The following PTPRN2 variants were observed in gnomAD, a reference collection of about 807,000 sequenced individuals.
The protein encoded by PTPRN2 is receptor-type tyrosine-protein phosphatase N2.
Under a neutral mutation model 118.8 loss-of-function variants are expected in PTPRN2, and 74 were observed. That is an observed-to-expected ratio of 0.62 (90% confidence interval 0.52 to 0.76). PTPRN2 has a LOEUF of 0.76. Among genes scored for constraint, PTPRN2 ranks in the 30% least tolerant of loss-of-function variants. The pLI is 0.00. For synonymous variants in PTPRN2, 641 were observed against 608.0 expected (o/e 1.05, Z -0.80); for missense variants, 1,481 against 1,394.4 (o/e 1.06, Z -0.99).
chr7:157,733,950 T>C lies in PTPRN2; in HGVS notation c.1789-51013A>G, dbSNP rs71541696. On this transcript the variant is annotated intron_variant, in intron 12 of 22. Coordinates refer to ENST00000389418, the MANE Select transcript of PTPRN2 (RefSeq NM_002847.5). The stretch of plus-strand genomic sequence containing the variant: ...AGCACAGTTACCCTTTCCCGTCCCA[T>C]GCGCCCAGCACAGTTACCCTTTCCC... Among the ~76,000 whole-genome samples the C allele has an allele frequency of 9.9e-5, 5 of 50,582 alleles. No individual in the cohort carries two copies. The South Asian group carries it at 2.3e-3, about 23-fold the overall frequency. 33.2% of individuals were successfully genotyped at this position (50,582 alleles called of 152,430 possible). A position where few individuals can be genotyped will look rare whatever the true frequency, so the allele number is the denominator to read the frequency against.
intron 11 of PTPRN2, among the ~76,000 whole-genome samples, chr7:158,059,906 A>C (rs13231193): frequency 2.6e-4 from 18 of 69,010 alleles, no homozygotes; most frequent in African/African-American, 8.1e-4. Context: ...CTCCATCTGC[A>C]CACGGTGAGA....
chr7:158,076,813 G>A (rs914642705), intron 11 of PTPRN2, among the ~76,000 whole-genome samples: 5 of 152,100 alleles, frequency 3.3e-5, no homozygotes, highest in African/African-American at 4.8e-5. Flanking sequence ...AAGAACTCCC[G>A]TCTGAACAGC....
Position 158,236,191 on chromosome 7 carries a change from C to T in PTPRN2, c.278-30918G>A, listed in dbSNP as rs182054173. 1.6e-3 allele frequency among the ~76,000 whole-genome samples: 251 copies of T among 152,270 alleles called. 2 individuals carry two copies. The highest frequency in any genetic ancestry group is 5.0e-3 in the African/African-American group (207 of 41,562). On this transcript the variant is annotated intron_variant, in intron 3 of 22. Coordinates refer to ENST00000389418, the MANE Select transcript of PTPRN2 (RefSeq NM_002847.5). ...TGGTCATCGCAAACAGAGCCCCTTA[C>T]GGTACGTTAGGGGATGGTGTGGAAA...
rs34195288 is a variant in PTPRN2 at position 158,271,858 on chromosome 7, C to T, written c.277+44961G>A. On this transcript the variant is annotated intron_variant, in intron 3 of 22. Coordinates refer to ENST00000389418, the MANE Select transcript of PTPRN2 (RefSeq NM_002847.5). ...GTGAGGCTCTTCCTCAGGGCCTCAGCGCCTTGCAAAGGCCCCTAACACCAT... is the reference window on the plus strand; with the variant it reads ...GTGAGGCTCTTCCTCAGGGCCTCAGTGCCTTGCAAAGGCCCCTAACACCAT... Among the ~76,000 whole-genome samples the T allele has an allele frequency of 7.9e-3, 1,201 of 152,150 alleles. 11 individuals carry two copies. Among genetic ancestry groups the T allele is most frequent in the Middle Eastern group, 0.017 (5 of 294 alleles).
intron 14 of PTPRN2, among the ~76,000 whole-genome samples, chr7:157,653,127 C>T (rs559899695): frequency 5.5e-4 from 84 of 152,330 alleles, no homozygotes; most frequent in African/African-American, 1.7e-3. Context: ...ACGGTGCAGC[C>T]GGCCTCTCCC....
chr7:157,836,231 T>A (rs1011401520), intron 12 of PTPRN2, among the ~76,000 whole-genome samples: 13 of 152,258 alleles, frequency 8.5e-5, no homozygotes, highest in Admixed American at 2.6e-4. Context: ...AATGAAGTCC[T>A]AACCCTTGGT....
intron 3 of PTPRN2, among the ~76,000 whole-genome samples, chr7:158,271,672 A>G (rs1231724390): frequency 6.6e-6 from 1 of 152,222 alleles, no homozygotes; most frequent in African/African-American, 2.4e-5. Flanking sequence ...AGCTTGGGTA[A>G]TTGATAAACA....
chr7:157,542,040 T>A, intron 22 of PTPRN2, among the ~76,000 whole-genome samples: 1 of 152,084 alleles, frequency 6.6e-6, no homozygotes, highest in East Asian at 1.9e-4. Context: ...CCCGGGGAGA[T>A]GTGTCTGCCT....
intron 12 of PTPRN2, among the ~76,000 whole-genome samples, chr7:157,726,001 G>A (rs1799570645): frequency 6.7e-6 from 1 of 148,784 alleles, no homozygotes; most frequent in East Asian, 2.0e-4. Context: ...CGCCTCCCAG[G>A]AGAACTGGAT....
chr7:157,769,155 C>T lies in PTPRN2; in HGVS notation c.1789-86218G>A, dbSNP rs528189182. 5.3e-5 allele frequency among the ~76,000 whole-genome samples: 8 copies of T among 152,346 alleles called. No homozygotes were observed. In the East Asian group the frequency reaches 1.5e-3, roughly 29 times the overall value. On this transcript the variant is annotated intron_variant, in intron 12 of 22. Coordinates refer to ENST00000389418, the MANE Select transcript of PTPRN2 (RefSeq NM_002847.5). ...TCCACCGCGGCCAGCCCAGTGTCCACCGAGGGCAGCGGTTGAATGTCCTCA... is the reference window on the plus strand; with the variant it reads ...TCCACCGCGGCCAGCCCAGTGTCCATCGAGGGCAGCGGTTGAATGTCCTCA...
At chr7:158,069,466 G>A (rs1443062863) in intron 11 of PTPRN2, among the ~76,000 whole-genome samples, 1 of 152,142 alleles carries the variant, frequency 6.6e-6, no homozygotes, top group Non-Finnish European at 1.5e-5. Flanking sequence ...CCAAAGTGCT[G>A]GGATGACAGG....
chr7:157,635,459 C>T (rs534688736), intron 14 of PTPRN2, among the ~76,000 whole-genome samples: 8 of 152,372 alleles, frequency 5.3e-5, no homozygotes, highest in South Asian at 4.1e-4. Flanking sequence ...GAAGGCGTTT[C>T]GGACAAATGG....
rs181703772 is a variant in PTPRN2 at position 157,961,920 on chromosome 7, C to T, written c.1724-63183G>A. ...ACCCGGCGGCGGCCGCACCGGGACCCGGGGTGTGTGGAGACCCGGCGGCCA... is the reference window on the plus strand; with the variant it reads ...ACCCGGCGGCGGCCGCACCGGGACCTGGGGTGTGTGGAGACCCGGCGGCCA... On this transcript the variant is annotated intron_variant, in intron 11 of 22. Coordinates refer to ENST00000389418, the MANE Select transcript of PTPRN2 (RefSeq NM_002847.5). Among the ~76,000 whole-genome samples, 405 of 151,930 alleles carry T rather than the reference C, an allele frequency of 2.7e-3. 2 individuals carry two copies. The highest frequency in any genetic ancestry group is 8.9e-3 in the African/African-American group (369 of 41,436).
intron 2 of PTPRN2, among the ~76,000 whole-genome samples, chr7:158,377,605 C>T (rs1436135534): frequency 3.3e-5 from 5 of 152,112 alleles, no homozygotes; most frequent in Non-Finnish European, 7.3e-5. Flanking sequence ...ACAATTTTCC[C>T]GGGACTCAGC....
intron 2 of PTPRN2, among the ~76,000 whole-genome samples, chr7:158,318,294 G>C (rs1271485338): frequency 6.6e-6 from 1 of 152,228 alleles, no homozygotes; most frequent in Non-Finnish European, 1.5e-5. Context: ...GGCAAAGAGG[G>C]AAAATAAGGA....
chr7:158,060,653 C>A (rs1422642836), intron 11 of PTPRN2, among the ~76,000 whole-genome samples: 1 of 152,254 alleles, frequency 6.6e-6, no homozygotes, highest in African/African-American at 2.4e-5. Context: ...CCATAACTTT[C>A]TGGAGGTCTC....
At position 157,953,622 on chromosome 7, in the gene PTPRN2, A is replaced by G. The variant is rs569928138; in HGVS notation, c.1724-54885T>C. On this transcript the variant is annotated intron_variant, in intron 11 of 22. Coordinates refer to ENST00000389418, the MANE Select transcript of PTPRN2 (RefSeq NM_002847.5). This position sits in a 1 kb window ranked among gnomAD's most constrained non-coding sequence, Gnocchi z 4.6. ...GACATCCTGACACTGCCCTGCTTGG[A>G]CACTCTCTGGACAGGAGACACCTCA... Among the ~76,000 whole-genome samples the G allele has an allele frequency of 6.6e-6, 1 of 152,108 alleles. No homozygotes were observed. Among genetic ancestry groups the G allele is most frequent in the African/African-American group, 2.4e-5 (1 of 41,468 alleles).
intron 12 of PTPRN2, among the ~76,000 whole-genome samples, chr7:157,798,235 G>A (rs899242292): frequency 1.3e-5 from 2 of 152,148 alleles, no homozygotes; most frequent in Non-Finnish European, 2.9e-5. Flanking sequence ...CTCCAGCCTC[G>A]GTGACAGAGC....
chr7:158,258,929 G>C (rs750032395), intron 3 of PTPRN2, among the ~76,000 whole-genome samples: 4 of 152,192 alleles, frequency 2.6e-5, no homozygotes. Context: ...GCTAGGAGAC[G>C]AATGTGGAAG....
Sources: gnomAD v4.1 joint callset for allele counts (sites outside exome capture counted in the v4.1 genomes callset) on GRCh38, gnomAD v4.1.1 for gene constraint, Gnocchi (gnomAD v3.1) non-coding constraint, MANE v1.5 for transcripts, NCBI Gene and HGNC (gene_info 2026-07-23, HGNC 2026-07-21) for gene names.